The following GRID2 variants were observed in gnomAD, a reference collection of about 807,000 sequenced individuals.
The protein encoded by GRID2 is glutamate receptor ionotropic, delta-2.
A neutral mutation model predicts 114.8 loss-of-function variants in GRID2; 33 were observed. That is an observed-to-expected ratio of 0.29 (90% CI 0.22 to 0.38). GRID2 has a LOEUF of 0.38. GRID2 is among the 10% of genes least tolerant of loss of function. The pLI, the probability that GRID2 is intolerant of heterozygous loss-of-function variation, is 1.00. For missense variants in GRID2, 1,184 were observed against 1,257.7 expected (o/e 0.94, Z 0.89); for synonymous variants, 505 against 449.9 (o/e 1.12, Z -1.55).
At chr4:92,516,855 A>C (rs1724526276) in intron 1 of GRID2, among the ~76,000 whole-genome samples, 1 of 151,756 alleles carries the variant, frequency 6.6e-6, no homozygotes. Flanking sequence ...CTTCTTCGTT[A>C]GGTTGTGATG....
intron 8 of GRID2, among the ~76,000 whole-genome samples, chr4:93,376,311 C>G (rs1763377443): frequency 6.6e-6 from 1 of 151,932 alleles, no homozygotes; most frequent in Non-Finnish European, 1.5e-5. Flanking sequence ...GTATACAACA[C>G]AAAATTATTG....
chr4:92,859,966 T>C (rs1378946589), intron 2 of GRID2, among the ~76,000 whole-genome samples: 1 of 152,168 alleles, frequency 6.6e-6, no homozygotes, highest in Admixed American at 6.6e-5. Flanking sequence ...TATTTTTCTA[T>C]TTTGGCAAAT....
chr4:93,104,047 C>A (rs1731961823), intron 3 of GRID2, among the ~76,000 whole-genome samples: 1 of 151,946 alleles, frequency 6.6e-6, no homozygotes, highest in Non-Finnish European at 1.5e-5. Flanking sequence ...CTTTCTCTCC[C>A]CGGCTAGTAG....
At chr4:93,791,019 TTAATA>T (rs1458895118) in intron 1 of GRID2, among the ~76,000 whole-genome samples, 7 of 152,240 alleles carry the variant, frequency 4.6e-5, no homozygotes, top group South Asian at 2.1e-4. Context: ...AAATTTCTGT[TTAATA>T]TAATGCAAGT....
chr4:93,107,776 G>C (rs531742543), intron 3 of GRID2, among the ~76,000 whole-genome samples: 1 of 152,058 alleles, frequency 6.6e-6, no homozygotes, highest in African/African-American at 2.4e-5. Flanking sequence ...TTTCAGACAT[G>C]AGCCAGCACG....
chr4:92,373,910 A>G (rs1729232776), intron 1 of GRID2, among the ~76,000 whole-genome samples: 1 of 152,158 alleles, frequency 6.6e-6, no homozygotes, highest in African/African-American at 2.4e-5. Flanking sequence ...ACAGCTAGTA[A>G]GGAGCAAGTA....
intron 4 of GRID2, among the ~76,000 whole-genome samples, chr4:93,115,062 G>A (rs755850670): frequency 6.6e-6 from 1 of 151,250 alleles, no homozygotes; most frequent in Non-Finnish European, 1.5e-5. Flanking sequence ...ACAGTGGTGG[G>A]CAAACAATTC....
intron 1 of GRID2, among the ~76,000 whole-genome samples, chr4:92,583,338 GAATAAT>G (rs1728268336): frequency 7.8e-6 from 1 of 128,296 alleles, no homozygotes; most frequent in African/African-American, 2.9e-5. Flanking sequence ...CTCTAATTCA[GAATAAT>G]ATTTGCTAAT....
At chr4:92,942,364 C>T (rs1415339435) in intron 2 of GRID2, among the ~76,000 whole-genome samples, 2 of 152,096 alleles carry the variant, frequency 1.3e-5, no homozygotes, top group Admixed American at 1.3e-4. Flanking sequence ...GGTTTAAAGT[C>T]TGTTTTATCA....
At chr4:93,794,161 G>C (rs965257300) in intron 1 of GRID2, among the ~76,000 whole-genome samples, 2 of 152,168 alleles carry the variant, frequency 1.3e-5, no homozygotes, top group Admixed American at 1.3e-4. Context: ...AATTCTATCA[G>C]GGTGTCCCTA....
chr4:92,425,137 T>G (rs1732095094), intron 1 of GRID2, among the ~76,000 whole-genome samples: 1 of 152,054 alleles, frequency 6.6e-6, no homozygotes, highest in South Asian at 2.1e-4. Flanking sequence ...AAATACAATT[T>G]TCTGTAGAAA....
At chr4:92,550,291 G>A (rs1579565422) in intron 1 of GRID2, among the ~76,000 whole-genome samples, 1 of 152,004 alleles carries the variant, frequency 6.6e-6, no homozygotes, top group Non-Finnish European at 1.5e-5. Context: ...AACTATATAA[G>A]CAACATCTGT....
chr4:93,003,341 A>C (rs1273549408), intron 2 of GRID2, among the ~76,000 whole-genome samples: 3 of 151,964 alleles, frequency 2.0e-5, no homozygotes, highest in Non-Finnish European at 2.9e-5. Context: ...AGACATGCAT[A>C]GTCATTTAAA....
At chr4:93,717,893 A>T (rs1465036951) in intron 14 of GRID2, among the ~76,000 whole-genome samples, 2 of 152,210 alleles carry the variant, frequency 1.3e-5, no homozygotes, top group Non-Finnish European at 2.9e-5. Flanking sequence ...TGAGAGAGTT[A>T]TAATAGAGTA....
At chr4:93,446,023 G>A (rs1434962394) in intron 10 of GRID2, among the ~76,000 whole-genome samples, 4 of 151,912 alleles carry the variant, frequency 2.6e-5, no homozygotes, top group Non-Finnish European at 5.9e-5. Flanking sequence ...TGTTTTTCAC[G>A]TGACCCTGAC....
chr4:93,234,378 G>A (rs1267718943), intron 7 of GRID2, among the ~76,000 whole-genome samples: 1 of 151,986 alleles, frequency 6.6e-6, no homozygotes, highest in African/African-American at 2.4e-5. Context: ...AAAAATACGA[G>A]ACACAAGATG....
intron 14 of GRID2, among the ~76,000 whole-genome samples, chr4:93,719,829 A>T (rs1413734052): frequency 1.3e-5 from 2 of 152,154 alleles, no homozygotes; most frequent in Non-Finnish European, 2.9e-5. Context: ...AGATAGAACA[A>T]GCATCTTTTC....
At chr4:93,077,141 A>G (rs1729405348) in intron 2 of GRID2, among the ~76,000 whole-genome samples, 1 of 152,226 alleles carries the variant, frequency 6.6e-6, no homozygotes, top group Non-Finnish European at 1.5e-5. Flanking sequence ...TATCATTTGA[A>G]TTAAAGAACT....
At chr4:93,781,547 CG>C (rs905412488) in intron 1 of GRID2, among the ~76,000 whole-genome samples, 3 of 151,956 alleles carry the variant, frequency 2.0e-5, no homozygotes, top group Non-Finnish European at 4.4e-5. Context: ...CAGTGTCAGT[CG>C]GGGGTTGGTT....
Sources: gnomAD v4.1 joint callset for allele counts (sites outside exome capture counted in the v4.1 genomes callset) on GRCh38, gnomAD v4.1.1 for gene constraint, MANE v1.5 for transcripts, NCBI Gene and HGNC (gene_info 2026-07-23, HGNC 2026-07-21) for gene names.